The following KHDRBS2 variants were observed in gnomAD, a reference collection of about 807,000 sequenced individuals.
KHDRBS2 encodes KH RNA binding domain containing, signal transduction associated 2.
In KHDRBS2, 26 loss-of-function variants were observed where a neutral mutation model predicts 44.3. The ratio of observed to expected loss-of-function variants is 0.59; its 90% confidence interval spans 0.43 to 0.81. KHDRBS2 has a LOEUF of 0.81. Ranked by LOEUF, KHDRBS2 falls within the 40% of genes least tolerant of loss-of-function variation. The pLI, the probability that KHDRBS2 is intolerant of heterozygous loss-of-function variation, is 0.00. For missense variants in KHDRBS2, 476 were observed against 433.1 expected, an observed-to-expected ratio of 1.10 and a Z score of -0.88; for synonymous variants, 194 against 151.1, an observed-to-expected ratio of 1.28 and a Z score of -2.08.
chr6:61,791,549 ATATTT>A (rs1784643087), intron 6 of KHDRBS2, among the ~76,000 whole-genome samples: 1 of 151,578 alleles, frequency 6.6e-6, no homozygotes, highest in African/African-American at 2.4e-5. Context: ...ATCAAAAATT[ATATTT>A]TAAAGTTTTT....
chr6:61,755,984 A>T (rs921716334), intron 6 of KHDRBS2, among the ~76,000 whole-genome samples: 3 of 152,078 alleles, frequency 2.0e-5, no homozygotes, highest in Non-Finnish European at 2.9e-5. Flanking sequence ...AACATCTTCC[A>T]GTTCATGTAT....
intron 6 of KHDRBS2, among the ~76,000 whole-genome samples, chr6:61,766,763 A>G (rs993012806): frequency 6.6e-6 from 1 of 152,110 alleles, no homozygotes; most frequent in African/African-American, 2.4e-5. Context: ...ATGTGGATGT[A>G]TAGTTTTAAA....
intron 2 of KHDRBS2, among the ~76,000 whole-genome samples, chr6:62,049,056 T>C (rs1228966802): frequency 2.0e-5 from 3 of 151,816 alleles, no homozygotes; most frequent in Admixed American, 6.6e-5. Flanking sequence ...TAAAACTCAG[T>C]TTTTTTCCCA....
rs201230538 is a variant in KHDRBS2 at position 62,142,896 on chromosome 6, ATTGAC to A, written c.219+34284_219+34288del. Among the ~76,000 whole-genome samples, 1,097 of 151,220 alleles carry A rather than the reference ATTGAC, an allele frequency of 7.3e-3. 8 individuals carry two copies. Among genetic ancestry groups the A allele is most frequent in the Non-Finnish European group, 0.013 (856 of 67,754 alleles). On this transcript the variant is annotated intron_variant, in intron 2 of 8. Coordinates refer to ENST00000281156, the MANE Select transcript of KHDRBS2 (RefSeq NM_152688.4). ...TATCATCACATTATTGAATGACTGA[ATTGAC>A]TTGATTTGTGTTTCAATGATTTGTA...
the KHDRBS2 span, among the ~76,000 whole-genome samples, chr6:61,653,649 C>A: frequency 2.7e-5 from 4 of 150,928 alleles, no homozygotes; most frequent in African/African-American, 9.7e-5. Context: ...GGTAAATATA[C>A]CATTTCATAA....
intron 7 of KHDRBS2, among the ~76,000 whole-genome samples, chr6:61,716,694 A>G (rs745311788): frequency 1.3e-5 from 2 of 152,068 alleles, no homozygotes; most frequent in South Asian, 4.1e-4. Context: ...AGTCGTATAC[A>G]TTCACAAACA....
intron 6 of KHDRBS2, among the ~76,000 whole-genome samples, chr6:61,867,732 A>C (rs1012967222): frequency 1.3e-5 from 2 of 152,180 alleles, no homozygotes; most frequent in African/African-American, 4.8e-5. Flanking sequence ...CATCTGCTCT[A>C]GACCTTAGTC....
chr6:61,956,942 C>CATCATG, intron 4 of KHDRBS2, among the ~76,000 whole-genome samples: 1 of 151,770 alleles, frequency 6.6e-6, no homozygotes, highest in South Asian at 2.1e-4. Flanking sequence ...TCATCATCAT[C>CATCATG]TGTTGTGGGA....
chr6:61,588,766 T>A, the KHDRBS2 span, among the ~76,000 whole-genome samples: 1 of 151,954 alleles, frequency 6.6e-6, no homozygotes, highest in African/African-American at 2.4e-5. Context: ...TACTCCAGCA[T>A]GGCTGACAGG....
chr6:61,772,177 G>T (rs892531085), intron 6 of KHDRBS2, among the ~76,000 whole-genome samples: 4 of 152,148 alleles, frequency 2.6e-5, no homozygotes, highest in Non-Finnish European at 4.4e-5. Flanking sequence ...GCATTGTGTA[G>T]AGGGAAATTT....
At chr6:61,950,982 T>A (rs987448520) in intron 4 of KHDRBS2, among the ~76,000 whole-genome samples, 17 of 152,048 alleles carry the variant, frequency 1.1e-4, no homozygotes, top group African/African-American at 3.1e-4. Flanking sequence ...CTAAGCTGTA[T>A]GACTTTTATA....
At chr6:61,940,989 T>C (rs1318888482) in intron 4 of KHDRBS2, among the ~76,000 whole-genome samples, 2 of 152,148 alleles carry the variant, frequency 1.3e-5, no homozygotes, top group East Asian at 1.9e-4. Flanking sequence ...AGTTAGGCTG[T>C]TGCCACCCTC....
In KHDRBS2 at chr6:61,681,033, G is replaced by C; in HGVS notation, c.980C>G (p.Ser327Cys). ...CCTTTGCGGTGGTGCCTTCAAGCTA[G>C]AGCGGGTTGTGGCCCATTCTTCTGG... ...YAPEEWATTR[S>C]SLKAPPQRSA... Residue 327 changes from serine (S) to cysteine (C), a missense_variant, in exon 9 of 9, where the codon TCT becomes TGT. Physicochemically the swap from Ser to Cys is moderately radical, Grantham distance 112. Coordinates refer to ENST00000281156, the MANE Select transcript of KHDRBS2 (RefSeq NM_152688.4). 1 of 1,611,740 alleles carries C rather than the reference G, an allele frequency of 6.2e-7. No individual in the cohort carries two copies. The highest frequency in any genetic ancestry group is 8.5e-7 in the Non-Finnish European group (1 of 1,178,582).
At chr6:61,614,791 G>A in the KHDRBS2 span, among the ~76,000 whole-genome samples, 2 of 152,180 alleles carry the variant, frequency 1.3e-5, no homozygotes, top group South Asian at 2.1e-4. Flanking sequence ...GGTTCTGAAT[G>A]CGGTATGACC....
At chr6:62,231,180 C>G (rs772822094) in intron 1 of KHDRBS2, among the ~76,000 whole-genome samples, 27 of 152,254 alleles carry the variant, frequency 1.8e-4, no homozygotes, top group Admixed American at 1.5e-3. Flanking sequence ...TACACACAAA[C>G]GTACATTGTC....
chr6:61,776,934 T>C (rs1782132722), intron 6 of KHDRBS2, among the ~76,000 whole-genome samples: 1 of 152,138 alleles, frequency 6.6e-6, no homozygotes, highest in Non-Finnish European at 1.5e-5. Context: ...GTGGCACATA[T>C]ACACCATGGA....
intron 6 of KHDRBS2, among the ~76,000 whole-genome samples, chr6:61,750,740 T>C (rs1777552324): frequency 6.7e-6 from 1 of 150,288 alleles, no homozygotes; most frequent in Non-Finnish European, 1.5e-5. Flanking sequence ...CTTCTTCTCA[T>C]TTATGACCAG....
chr6:61,598,320 C>T, the KHDRBS2 span, among the ~76,000 whole-genome samples: 1 of 145,424 alleles, frequency 6.9e-6, no homozygotes, highest in African/African-American at 2.4e-5. Context: ...AGACTGATAA[C>T]ATAAGGCCCT....
chr6:62,143,970 T>C (rs1014575399), intron 2 of KHDRBS2, among the ~76,000 whole-genome samples: 5 of 151,894 alleles, frequency 3.3e-5, no homozygotes, highest in Middle Eastern at 3.2e-3. Context: ...CCTTTGCCAG[T>C]TGAAAAAACA....
Sources: gnomAD v4.1 joint callset for allele counts (sites outside exome capture counted in the v4.1 genomes callset) on GRCh38, gnomAD v4.1.1 for gene constraint, MANE v1.5 for transcripts, NCBI Gene and HGNC (gene_info 2026-07-23, HGNC 2026-07-21) for gene names.